The following POMT1 variants were observed in gnomAD, a reference collection of about 807,000 sequenced individuals.
POMT1 encodes protein O-mannosyl-transferase 1.
In POMT1, 85 loss-of-function variants were observed where a neutral mutation model predicts 101.6. The observed-to-expected ratio is 0.84, with a 90% CI of 0.70 to 1.00. The LOEUF (loss-of-function observed/expected upper bound fraction) is 1.00, where lower values mean the gene tolerates loss of function less well. POMT1 is among the 50% of genes least tolerant of loss of function. The probability of loss-of-function intolerance (pLI) is 0.00; values close to 1 mark genes in which losing one functional copy is unlikely to be tolerated. For missense variants in POMT1, 857 were observed against 930.4 expected (o/e 0.92, Z 1.03); for synonymous variants, 371 against 383.0 (o/e 0.97, Z 0.37).
At chr9:131,512,284 T>G in intron 11 of POMT1, 148 bp downstream of exon 11, 1 of 1,437,096 alleles carries the variant, frequency 7.0e-7, no homozygotes, top group Non-Finnish European at 9.4e-7. Context: ...CAGTGCTGAG[T>G]CCAAGGTCAG....
chr9:131,520,699 C>T (rs2131891174), intron 17 of POMT1, among the ~76,000 whole-genome samples: 1 of 152,362 alleles, frequency 6.6e-6, no homozygotes, highest in South Asian at 2.1e-4. Context: ...GGCTCAGGCC[C>T]AGAGGCCGCC....
chr9:131,506,664 A>T lies in POMT1; in HGVS notation c.280+211A>T, dbSNP rs1273153634. 9 of 599,702 alleles carry T rather than the reference A, an allele frequency of 1.5e-5. No individual in the cohort carries two copies. The Admixed American group carries it at 2.3e-4, about 15-fold the overall frequency. The allele number at this position is 599,702 out of a possible 1,614,324, so 37.1% of individuals were successfully genotyped here. ...AAGTCTGGTTAAAATCTTACTGTTC[A>T]GTTGCAGTCATTATTTCAGCCCTTG... is the stretch of plus-strand genomic sequence containing the variant. On this transcript the variant is annotated intron_variant, in intron 4 of 19. Transcript: ENST00000402686.
intron 13 of POMT1, among the ~76,000 whole-genome samples, chr9:131,516,160 T>TCC (rs1948504651): frequency 3.7e-5 from 1 of 27,036 alleles, no homozygotes; most frequent in African/African-American, 8.5e-5. Flanking sequence ...CAGGACACTC[T>TCC]CACACTCACA....
In POMT1 at chr9:131,519,252, A is replaced by C; in HGVS notation, c.1487-137A>C. ...AGTCTTGGGTGTGGTGGGGAAAGCT[A>C]AGTGGAATGATGCGGTTCGATAAGG... On this transcript the variant is annotated intron_variant, in intron 15 of 19. Coordinates refer to ENST00000402686, the MANE Select transcript of POMT1 (RefSeq NM_001077365.2). The surrounding 1 kb of genome is among the most constrained non-coding windows in gnomAD (Gnocchi z 4.3). The C allele has an allele frequency of 1.0e-6, 1 of 966,386 alleles. No individual in the cohort carries two copies. Among genetic ancestry groups the C allele is most frequent in the Non-Finnish European group, 1.6e-6 (1 of 627,172 alleles). The allele number at this position is 966,386 out of a possible 1,614,324, so 59.9% of individuals were successfully genotyped here. A position where few individuals can be genotyped will look rare whatever the true frequency, so the allele number is the denominator to read the frequency against.
At position 131,522,904 on chromosome 9, in the gene POMT1, C is replaced by A; in HGVS notation, c.2004-28C>A. 2 of 1,563,346 alleles carry A rather than the reference C, an allele frequency of 1.3e-6. No individual in the cohort carries two copies. Among genetic ancestry groups the A allele is most frequent in the Non-Finnish European group, 1.7e-6 (2 of 1,158,922 alleles). On this transcript the variant is annotated intron_variant, in intron 19 of 19. Transcript: ENST00000402686. This position sits in a 1 kb window ranked among gnomAD's most constrained non-coding sequence, Gnocchi z 5.5. ...AGGGAAGCCGCAGTGGTCAGCCACC[C>A]TCCCCCACGCTGCTCTGACCTCTGC...
At chr9:131,517,504 C>G (rs909346392) in intron 13 of POMT1, among the ~76,000 whole-genome samples, 2 of 152,168 alleles carry the variant, frequency 1.3e-5, no homozygotes, top group African/African-American at 2.4e-5. Flanking sequence ...TCTTGAACTC[C>G]TGGACTCAAG....
At chr9:131,521,578 C>G in intron 18 of POMT1, 106 bp downstream of exon 18, 1 of 1,330,344 alleles carries the variant, frequency 7.5e-7, no homozygotes. Flanking sequence ...GATCCTCCTG[C>G]CTCGGCCTCC....
intron 18 of POMT1, among the ~76,000 whole-genome samples, chr9:131,521,770 G>A (rs1949967912): frequency 2.6e-5 from 4 of 152,324 alleles, no homozygotes; most frequent in Admixed American, 1.3e-4. Context: ...GTCTCCAGTC[G>A]AGTGCAGCGT....
intron 17 of POMT1, among the ~76,000 whole-genome samples, chr9:131,520,453 G>A (rs1949694660): frequency 6.6e-6 from 1 of 152,238 alleles, no homozygotes; most frequent in Non-Finnish European, 1.5e-5. Flanking sequence ...CCTGGCGAAA[G>A]TGGTTTTAAG....
Position 131,522,843 on chromosome 9 carries a change from A to T in POMT1, c.2004-89A>T. The T allele has an allele frequency of 7.4e-7, 1 of 1,352,282 alleles. No individual in the cohort carries two copies. The highest frequency in any genetic ancestry group is 1.0e-6 in the Non-Finnish European group (1 of 981,394). 83.8% of individuals were successfully genotyped at this position (1,352,282 alleles called of 1,614,324 possible). On this transcript the variant is annotated intron_variant, in intron 19 of 19. Transcript: ENST00000402686. This position sits in a 1 kb window ranked among gnomAD's most constrained non-coding sequence, Gnocchi z 5.5. Reference sequence around the variant, plus strand: ...GCAGAACCCCAGGCCTCGGGGGGTGACCGTGTGGACAGCAGATGCCAAGAG... The same window carrying T: ...GCAGAACCCCAGGCCTCGGGGGGTGTCCGTGTGGACAGCAGATGCCAAGAG...
intron 17 of POMT1, 124 bp from the exon 18 acceptor site, chr9:131,521,222 T>A: frequency 7.4e-7 from 1 of 1,358,560 alleles, no homozygotes; most frequent in Non-Finnish European, 1.0e-6. Context: ...GATGCTAGGC[T>A]GTGCCTGGCG....
rs751805517 is a variant in POMT1, at chr9:131,513,290, G to C, written c.1134G>C (p.Met378Ile). ...SPPRPVRHGD[M>I]VQLVHGMTTR... is the part of the protein sequence containing the mutation. ...CGAGACCTGTGAGGCACGGGGACAT[G>C]GTGCAGCTGGTCCACGGCATGACCA... Residue 378 changes from methionine to isoleucine, a missense_variant, in exon 12 of 20, where the codon ATG (methionine) becomes ATC (isoleucine). Coordinates refer to ENST00000402686, the MANE Select transcript of POMT1 (RefSeq NM_001077365.2). The C allele has an allele frequency of 6.2e-7, 1 of 1,612,944 alleles. No individual in the cohort carries two copies. Among genetic ancestry groups the C allele is most frequent in the South Asian group, 1.1e-5 (1 of 91,066 alleles).
intron 13 of POMT1, among the ~76,000 whole-genome samples, chr9:131,516,185 T>C (rs1948518115): frequency 9.0e-6 from 1 of 111,024 alleles, no homozygotes; most frequent in Non-Finnish European, 1.8e-5. Context: ...GCACTTCCTC[T>C]AACACAGGAC....
intron 12 of POMT1, 120 bp from the exon 13 acceptor site, chr9:131,515,306 C>A: frequency 1.0e-6 from 1 of 983,044 alleles, no homozygotes; most frequent in Non-Finnish European, 1.6e-6. Context: ...GACTGGGCCA[C>A]CCCTTATGGC....
Position 131,513,265 on chromosome 9 carries a change from C to T in POMT1, c.1109C>T (p.Pro370Leu), listed in dbSNP as rs376258733. 6.8e-6 allele frequency: 11 copies of T among 1,612,974 alleles called. No homozygotes were observed. The highest frequency in any genetic ancestry group is 4.0e-5 in the African/African-American group (3 of 74,892). Residue 370 changes from proline to leucine, a missense_variant, in exon 12 of 20, where the codon CCG becomes CTG. Transcript: ENST00000402686. ...CACCAGCTGGTGGTGAGCAGCCCTCCGAGACCTGTGAGGCACGGGGACATG... is the reference window on the plus strand; with the variant it reads ...CACCAGCTGGTGGTGAGCAGCCCTCTGAGACCTGTGAGGCACGGGGACATG... ...RRHQLVVSSP[P>L]RPVRHGDMVQ... is the part of the protein sequence containing the mutation.
chr9:131,510,973 G>C (rs1000176985), intron 9 of POMT1: 2 of 281,148 alleles, frequency 7.1e-6, no homozygotes, highest in Admixed American at 4.9e-5. Context: ...GCCTGCCGAC[G>C]GCCAGTGCTG....
chr9:131,511,775 G>A (rs1451697695), intron 10 of POMT1: 1 of 579,940 alleles, frequency 1.7e-6, no homozygotes, highest in Non-Finnish European at 3.1e-6. Flanking sequence ...CCCTTGCTAG[G>A]TTGTATTTGT....
Position 131,523,325 on chromosome 9 carries a change from G to A in POMT1, c.*219G>A, listed in dbSNP as rs993064797. The A allele has an allele frequency of 2.1e-5, 13 of 615,240 alleles. No individual in the cohort carries two copies. Among genetic ancestry groups the A allele is most frequent in the Admixed American group, 5.2e-5 (2 of 38,536 alleles). The allele number at this position is 615,240 out of a possible 1,614,324, so 38.1% of individuals were successfully genotyped here. ...TTTTTCTCGACAATAAAGATATTCC[G>A]TGTCTTTACCCCTGAACTAAGACAC... On this transcript the variant is annotated 3_prime_UTR_variant, in exon 20 of 20. Transcript: ENST00000402686.
At position 131,523,453 on chromosome 9, in the gene POMT1, A is replaced by C; in HGVS notation, c.*347A>C. 2.8e-6 allele frequency: 1 copy of C among 356,208 alleles called. No individual in the cohort carries two copies. Among genetic ancestry groups the C allele is most frequent in the Non-Finnish European group, 5.4e-6 (1 of 184,244 alleles). The allele number at this position is 356,208 out of a possible 1,614,324, so 22.1% of individuals were successfully genotyped here. A position where few individuals can be genotyped will look rare whatever the true frequency, so the allele number is the denominator to read the frequency against. On this transcript the variant is annotated 3_prime_UTR_variant, in exon 20 of 20. Coordinates refer to ENST00000402686, the MANE Select transcript of POMT1 (RefSeq NM_001077365.2). ...GCAGACCAGGGCCTGGTCCTTGCTA[A>C]CTGCTGCAGGGTGGAGTTTGATCTG...
Sources: gnomAD v4.1 joint callset for allele counts (sites outside exome capture counted in the v4.1 genomes callset) on GRCh38, gnomAD v4.1.1 for gene constraint, Gnocchi (gnomAD v3.1) non-coding constraint, MANE v1.5 for transcripts, NCBI Gene and HGNC (gene_info 2026-07-23, HGNC 2026-07-21) for gene names.